Variants in DIP2C observed in about 807,000 individuals in gnomAD.
DIP2C encodes the protein disco-interacting protein 2 homolog C.
In DIP2C, 33 loss-of-function variants were observed where a neutral mutation model predicts 192.4. The observed-to-expected ratio is 0.17, with a 90% CI of 0.13 to 0.23. DIP2C has a LOEUF of 0.23. DIP2C is among the 10% of genes least tolerant of loss of function. The pLI is 1.00. For missense variants in DIP2C, 1,537 were observed against 2,110.1 expected, an observed-to-expected ratio of 0.73 and a Z score of 5.32; for synonymous variants, 979 against 864.1, an observed-to-expected ratio of 1.13 and a Z score of -2.33.
At chr10:603,025 T>C (rs1381754691) in intron 1 of DIP2C, among the ~76,000 whole-genome samples, 2 of 152,124 alleles carry the variant, frequency 1.3e-5, no homozygotes, top group African/African-American at 4.8e-5. Context: ...GAATCCACCC[T>C]ACGTCTTATA....
At chr10:585,633 C>G (rs1297230081) in intron 1 of DIP2C, among the ~76,000 whole-genome samples, 3 of 152,134 alleles carry the variant, frequency 2.0e-5, no homozygotes, top group Non-Finnish European at 2.9e-5. Flanking sequence ...ATCCCCTAAA[C>G]CAGGAACACC....
chr10:642,668 C>T (rs1044316053), intron 1 of DIP2C, among the ~76,000 whole-genome samples: 2 of 152,274 alleles, frequency 1.3e-5, no homozygotes, highest in Admixed American at 6.5e-5. Context: ...CGCACACCCC[C>T]GTCCCAGGCC....
intron 1 of DIP2C, among the ~76,000 whole-genome samples, chr10:559,967 TC>T (rs371315282): frequency 1.0e-4 from 14 of 138,054 alleles, no homozygotes; most frequent in Admixed American, 8.6e-4. Flanking sequence ...TTCTCACCTC[TC>T]CCCCCCACTC....
chr10:603,433 C>CAAGCACA (rs1852240615), intron 1 of DIP2C, among the ~76,000 whole-genome samples: 1 of 150,804 alleles, frequency 6.6e-6, no homozygotes, highest in African/African-American at 2.4e-5. Flanking sequence ...GGACCTCTGT[C>CAAGCACA]TCTGATGTGC....
intron 31 of DIP2C, among the ~76,000 whole-genome samples, chr10:310,488 T>C (rs1956522007): frequency 6.6e-6 from 1 of 152,190 alleles, no homozygotes; most frequent in South Asian, 2.1e-4. Flanking sequence ...AAGGTGTATT[T>C]TGAGGGCCCA....
At chr10:415,103 T>C (rs1258039546) in intron 7 of DIP2C, among the ~76,000 whole-genome samples, 1 of 151,906 alleles carries the variant, frequency 6.6e-6, no homozygotes, top group Non-Finnish European at 1.5e-5. Flanking sequence ...AGTGAGTATT[T>C]TCCTGAGTAA....
intron 1 of DIP2C, among the ~76,000 whole-genome samples, chr10:529,782 C>G (rs1345502490): frequency 6.6e-6 from 1 of 152,174 alleles, no homozygotes; most frequent in African/African-American, 2.4e-5. Flanking sequence ...AAAGGTTTAG[C>G]TTGCTTTTAT....
chr10:486,443 C>T lies in DIP2C; in HGVS notation c.157+16G>A, dbSNP rs901590803. The T allele has an allele frequency of 1.0e-5, 16 of 1,592,432 alleles. No homozygotes were observed. Among genetic ancestry groups the T allele is most frequent in the African/African-American group, 1.4e-5 (1 of 73,910 alleles). On this transcript the variant is annotated intron_variant, in intron 2 of 36. Coordinates refer to ENST00000280886, the MANE Select transcript of DIP2C (RefSeq NM_014974.3). ...GGGAAATGAGAGGACTCATGCTACT[C>T]ATGGGGGTTACCTACTCGGAGGCTG...
At chr10:524,161 G>A (rs1846908704) in intron 1 of DIP2C, among the ~76,000 whole-genome samples, 1 of 152,180 alleles carries the variant, frequency 6.6e-6, no homozygotes, top group South Asian at 2.1e-4. Context: ...TAGTGGGGCA[G>A]CTTCTACCCC....
At chr10:552,586 C>A (rs1004969223) in intron 1 of DIP2C, among the ~76,000 whole-genome samples, 2 of 152,256 alleles carry the variant, frequency 1.3e-5, no homozygotes, top group Non-Finnish European at 2.9e-5. Context: ...TGCAGTGGTT[C>A]ACGCCTGTAA....
intron 1 of DIP2C, chr10:668,266 ACT>A (rs1235711138): frequency 2.0e-5 from 3 of 152,248 alleles, no homozygotes; most frequent in East Asian, 1.9e-4. Context: ...CGTACAACAC[ACT>A]CATACAACAT....
At chr10:484,171 C>T (rs1843827760) in intron 2 of DIP2C, among the ~76,000 whole-genome samples, 1 of 152,194 alleles carries the variant, frequency 6.6e-6, no homozygotes, top group African/African-American at 2.4e-5. Context: ...AAACTTCCAC[C>T]TGCATATGAT....
intron 1 of DIP2C, among the ~76,000 whole-genome samples, chr10:601,042 G>A (rs543242883): frequency 8.0e-4 from 122 of 152,266 alleles, no homozygotes; most frequent in African/African-American, 2.7e-3. Context: ...TCAGTCAATC[G>A]TTGAGGGCTC....
chr10:393,778 C>CAA (rs34390976), intron 10 of DIP2C, among the ~76,000 whole-genome samples: 5,847 of 65,938 alleles, frequency 0.089, 330 homozygotes, highest in Non-Finnish European at 0.1. Context: ...GACTCCGTCT[C>CAA]AAAAAAAAAA....
chr10:655,608 C>T (rs1189041941), intron 1 of DIP2C, among the ~76,000 whole-genome samples: 1 of 152,208 alleles, frequency 6.6e-6, no homozygotes, highest in Non-Finnish European at 1.5e-5. Flanking sequence ...TACTACTGCA[C>T]ACCATGCTAT....
chr10:662,377 T>C (rs1856813758), intron 1 of DIP2C, among the ~76,000 whole-genome samples: 1 of 152,240 alleles, frequency 6.6e-6, no homozygotes, highest in African/African-American at 2.4e-5. Context: ...GGTGTATGGA[T>C]GCTGCCTTGC....
chr10:613,780 C>T (rs1286074614), intron 1 of DIP2C, among the ~76,000 whole-genome samples: 2 of 152,190 alleles, frequency 1.3e-5, no homozygotes, highest in Non-Finnish European at 2.9e-5. Context: ...CCCCCAGCCA[C>T]CCTCCTGATC....
chr10:428,756 G>A (rs745642150), intron 4 of DIP2C, among the ~76,000 whole-genome samples: 49 of 151,896 alleles, frequency 3.2e-4, no homozygotes, highest in Non-Finnish European at 5.6e-4. Flanking sequence ...TATATTACAA[G>A]GATATTAACA....
chr10:377,558 A>C (rs1045878928), intron 17 of DIP2C, among the ~76,000 whole-genome samples: 7 of 152,316 alleles, frequency 4.6e-5, no homozygotes, highest in Non-Finnish European at 7.4e-5. Context: ...AAAATGACAC[A>C]GTTTATCTTG....
Sources: gnomAD v4.1 joint callset for allele counts (sites outside exome capture counted in the v4.1 genomes callset) on GRCh38, gnomAD v4.1.1 for gene constraint, MANE v1.5 for transcripts, NCBI Gene and HGNC (gene_info 2026-07-23, HGNC 2026-07-21) for gene names.